TRABD2B: variants seen among roughly 807,000 people sequenced by gnomAD.
TRABD2B encodes TraB domain containing 2B.
A neutral mutation model predicts 40.1 loss-of-function variants in TRABD2B; 14 were observed. The ratio of observed to expected loss-of-function variants is 0.35; its 90% CI spans 0.23 to 0.55. The LOEUF (loss-of-function observed/expected upper bound fraction) is 0.55. Among genes scored for constraint, TRABD2B ranks in the 20% least tolerant of loss-of-function variants. TRABD2B has a pLI of 0.90. For synonymous variants in TRABD2B, 263 were observed against 277.0 expected (o/e 0.95, Z 0.50); for missense variants, 541 against 648.6 (o/e 0.83, Z 1.80).
intron 2 of TRABD2B, among the ~76,000 whole-genome samples, chr1:47,804,551 A>T (rs905579789): frequency 1.3e-5 from 2 of 152,120 alleles, no homozygotes; most frequent in Admixed American, 6.5e-5. Context: ...CACCCAGAAG[A>T]GCTGACTGGA....
intron 2 of TRABD2B, among the ~76,000 whole-genome samples, chr1:47,921,008 T>C (rs1200299819): frequency 4.6e-5 from 7 of 152,230 alleles, no homozygotes; most frequent in Admixed American, 1.3e-4. Context: ...GAACTACCCA[T>C]TTTATTAAAG....
In TRABD2B at chr1:47,766,086, G is replaced by A. The variant is rs1319539371; in HGVS notation, c.1370C>T (p.Pro457Leu). ...IEDSTTASPP[P>L]LPLQPTHSSG... ...GCTGTGGGTGGGCTGCAGGGGCAGC[G>A]GGGGTGGTGAGGCGGTGGTGCTGGA... Residue 457 changes from proline (P) to leucine (L), a missense_variant, in exon 7 of 7, where the codon CCG (proline) becomes CTG (leucine). Transcript: ENST00000606738. 8.6e-6 allele frequency: 6 copies of A among 701,134 alleles called. No homozygotes were observed. The highest frequency in any genetic ancestry group is 3.5e-5 in the African/African-American group (2 of 57,254). The allele number at this position is 701,134 out of a possible 1,614,324, so 43.4% of individuals were successfully genotyped here.
chr1:47,909,834 T>C (rs1410191234), intron 2 of TRABD2B, among the ~76,000 whole-genome samples: 349 of 850 alleles, frequency 0.41, 17 homozygotes, highest in African/African-American at 0.51. Context: ...CTTTCTTGCT[T>C]TCTTTCTTTC....
At chr1:47,809,618 T>C (rs1644936956) in intron 2 of TRABD2B, among the ~76,000 whole-genome samples, 1 of 152,170 alleles carries the variant, frequency 6.6e-6, no homozygotes, top group Non-Finnish European at 1.5e-5. Flanking sequence ...CTGGCTGAGA[T>C]TTATTTATTT....
chr1:47,893,977 C>T (rs775331967), intron 2 of TRABD2B, among the ~76,000 whole-genome samples: 1 of 152,174 alleles, frequency 6.6e-6, no homozygotes, highest in Non-Finnish European at 1.5e-5. Context: ...TGCTGTGGAT[C>T]CTCCCTCTGA....
At position 47,880,486 on chromosome 1, in the gene TRABD2B, G is replaced by A. The variant is rs116232981; in HGVS notation, c.667-78867C>T. Among the ~76,000 whole-genome samples the A allele has an allele frequency of 9.9e-3, 1,505 of 152,298 alleles. 35 individuals carry two copies. The highest frequency in any genetic ancestry group is 0.034 in the African/African-American group (1,400 of 41,546). ...GAGACAATCAGTTTTGTTTTAAGTCGTTAAGTGTGTGGTCATATTGTGACA... is the reference window on the plus strand; with the variant it reads ...GAGACAATCAGTTTTGTTTTAAGTCATTAAGTGTGTGGTCATATTGTGACA... On this transcript the variant is annotated intron_variant, in intron 2 of 6. Transcript: ENST00000606738.
chr1:47,871,495 AC>A (rs1644140167), intron 2 of TRABD2B, among the ~76,000 whole-genome samples: 1 of 152,218 alleles, frequency 6.6e-6, no homozygotes, highest in South Asian at 2.1e-4. Flanking sequence ...GAACAGAATG[AC>A]TTGGAGCCCT....
chr1:47,834,579 GCA>G (rs3035710), intron 2 of TRABD2B, among the ~76,000 whole-genome samples: 32 of 148,826 alleles, frequency 2.2e-4, no homozygotes, highest in African/African-American at 5.2e-4. Flanking sequence ...ACACACACGC[GCA>G]CACACACACA....
chr1:47,994,719 G>A lies in TRABD2B; in HGVS notation c.103-122C>T. On this transcript the variant is annotated intron_variant, in intron 1 of 6. Coordinates refer to ENST00000606738, the MANE Select transcript of TRABD2B (RefSeq NM_001194986.2). The surrounding 1 kb of genome is among the most constrained non-coding windows in gnomAD (Gnocchi z 6.7). ...GAGGCAGAGACCATACACAGGCCGT[G>A]GTAAAGAGCCAGGTCTTTGGAGCCT... The A allele has an allele frequency of 1.2e-6, 1 of 863,248 alleles. No individual in the cohort carries two copies. Among genetic ancestry groups the A allele is most frequent in the Non-Finnish European group, 1.7e-6 (1 of 575,746 alleles). The allele number at this position is 863,248 out of a possible 1,614,324, so 53.5% of individuals were successfully genotyped here. A position where few individuals can be genotyped will look rare whatever the true frequency, so the allele number is the denominator to read the frequency against.
intron 2 of TRABD2B, among the ~76,000 whole-genome samples, chr1:47,949,661 T>C (rs1181032011): frequency 6.6e-6 from 1 of 151,700 alleles, no homozygotes; most frequent in African/African-American, 2.4e-5. Flanking sequence ...ACCCGCCTCA[T>C]CCTCCCAAAG....
intron 2 of TRABD2B, among the ~76,000 whole-genome samples, chr1:47,845,921 T>C (rs572159495): frequency 5.3e-5 from 8 of 152,350 alleles, no homozygotes; most frequent in African/African-American, 1.7e-4. Flanking sequence ...AGTAAATGCT[T>C]GCTGAATGAA....
intron 2 of TRABD2B, among the ~76,000 whole-genome samples, chr1:47,865,307 C>T (rs1644039626): frequency 6.6e-6 from 1 of 151,886 alleles, no homozygotes; most frequent in South Asian, 2.1e-4. Flanking sequence ...GGTGTCTTAC[C>T]CCCACCATTC....
intron 2 of TRABD2B, among the ~76,000 whole-genome samples, chr1:47,983,894 T>C (rs558889769): frequency 1.3e-5 from 2 of 152,350 alleles, no homozygotes; most frequent in African/African-American, 4.8e-5. Context: ...GAAATTATCA[T>C]TGCCAATTAG....
chr1:47,823,685 G>T (rs565203274), intron 2 of TRABD2B, among the ~76,000 whole-genome samples: 4 of 152,160 alleles, frequency 2.6e-5, no homozygotes, highest in Non-Finnish European at 5.9e-5. Flanking sequence ...CCTTCAGCCC[G>T]GCTGAACAGG....
At chr1:47,812,980 G>A (rs1644985283) in intron 2 of TRABD2B, among the ~76,000 whole-genome samples, 1 of 152,160 alleles carries the variant, frequency 6.6e-6, no homozygotes, top group African/African-American at 2.4e-5. Context: ...GAGGCCCATG[G>A]AGGGATAATG....
intron 6 of TRABD2B, among the ~76,000 whole-genome samples, chr1:47,767,737 T>C (rs1170862594): frequency 6.6e-6 from 1 of 152,210 alleles, no homozygotes; most frequent in Middle Eastern, 3.2e-3. Flanking sequence ...GCAGGCTTCA[T>C]GGGGTCTGCA....
chr1:47,826,814 C>T (rs1489651399), intron 2 of TRABD2B, among the ~76,000 whole-genome samples: 2 of 152,182 alleles, frequency 1.3e-5, no homozygotes, highest in Non-Finnish European at 2.9e-5. Context: ...CTCAAGTGAT[C>T]CTCCCTCCTT....
chr1:47,879,198 G>T (rs986616458), intron 2 of TRABD2B, among the ~76,000 whole-genome samples: 1 of 151,934 alleles, frequency 6.6e-6, no homozygotes, highest in African/African-American at 2.4e-5. Flanking sequence ...ATATGGCCTA[G>T]TCTCAATTTT....
At chr1:47,982,695 C>A (rs754160846) in intron 2 of TRABD2B, among the ~76,000 whole-genome samples, 25 of 152,174 alleles carry the variant, frequency 1.6e-4, no homozygotes, top group Non-Finnish European at 2.9e-4. Context: ...CTCTTAGGGG[C>A]TGGATAGGAA....
Sources: gnomAD v4.1 joint callset for allele counts (sites outside exome capture counted in the v4.1 genomes callset) on GRCh38, gnomAD v4.1.1 for gene constraint, Gnocchi (gnomAD v3.1) non-coding constraint, MANE v1.5 for transcripts, NCBI Gene and HGNC (gene_info 2026-07-23, HGNC 2026-07-21) for gene names.